The following ZMYM2 variants were observed in gnomAD, a reference collection of about 807,000 sequenced individuals.
The protein encoded by ZMYM2 is zinc finger MYM-type containing 2, also known as zinc finger MYM-type protein 2.
A neutral mutation model predicts 162.8 loss-of-function variants in ZMYM2; 56 were observed. The observed-to-expected ratio is 0.34, with a 90% confidence interval of 0.28 to 0.43. The LOEUF is 0.43. Among genes scored for constraint, ZMYM2 ranks in the 20% least tolerant of loss-of-function variants. The pLI is 1.00. For synonymous variants in ZMYM2, 510 were observed against 541.6 expected (o/e 0.94, Z 0.81); for missense variants, 1,275 against 1,621.8 (o/e 0.79, Z 3.67).
chr13:19,899,816 C>CAAAAAAAA, the ZMYM2 span, among the ~76,000 whole-genome samples: 161 of 64,968 alleles, frequency 2.5e-3, 1 homozygote, highest in Non-Finnish European at 3.1e-3. Flanking sequence ...GACTCTGACT[C>CAAAAAAAA]AAAAAAAAAA....
chr13:19,932,805 T>C, the ZMYM2 span, among the ~76,000 whole-genome samples: 1 of 152,154 alleles, frequency 6.6e-6, no homozygotes, highest in East Asian at 1.9e-4. Context: ...CTTTATATCC[T>C]CTGGAACTGT....
chr13:20,007,902 T>A (rs1379749914), intron 6 of ZMYM2, among the ~76,000 whole-genome samples: 6 of 152,076 alleles, frequency 3.9e-5, no homozygotes, highest in Admixed American at 3.9e-4. Flanking sequence ...ATTACAGGCA[T>A]GAGCTACCAC....
the ZMYM2 span, among the ~76,000 whole-genome samples, chr13:19,880,777 G>A: frequency 6.6e-6 from 1 of 152,186 alleles, no homozygotes; most frequent in African/African-American, 2.4e-5. Flanking sequence ...CTGTTAGTGT[G>A]TAGAAATGCA....
the ZMYM2 span, among the ~76,000 whole-genome samples, chr13:19,901,516 A>C: frequency 2.7e-5 from 4 of 150,902 alleles, no homozygotes; most frequent in African/African-American, 7.3e-5. Flanking sequence ...TTTTTTTTTG[A>C]GATGGAGTCT....
chr13:20,046,333 A>G (rs1195412784), intron 12 of ZMYM2, among the ~76,000 whole-genome samples: 1 of 151,570 alleles, frequency 6.6e-6, no homozygotes, highest in Non-Finnish European at 1.5e-5. Flanking sequence ...GGTTGTTTGA[A>G]GTTGGGAGTT....
chr13:19,955,563 C>T (rs567453378), upstream of ZMYM2, among the ~76,000 whole-genome samples: 76 of 152,236 alleles, frequency 5.0e-4, no homozygotes, highest in African/African-American at 1.7e-3. Context: ...TCTTGGTCTT[C>T]GAAATGCAAT....
intron 2 of ZMYM2, among the ~76,000 whole-genome samples, chr13:19,974,678 G>A (rs1028637483): frequency 1.3e-5 from 2 of 151,990 alleles, no homozygotes; most frequent in African/African-American, 4.8e-5. Context: ...CACCATGTGG[G>A]CCAGGCTGAT....
In ZMYM2 at chr13:20,026,653, G is replaced by T; in HGVS notation, c.1626G>T (p.Gln542His). 6.2e-7 allele frequency: 1 copy of T among 1,609,854 alleles called. No homozygotes were observed. The highest frequency in any genetic ancestry group is 8.5e-7 in the Non-Finnish European group (1 of 1,178,974). ...CAACTTGTACTGGTTGCCGAACACA[G>T]TGCAGGTTTTTTGATATGACTCAGT... ...KLTTCTGCRT[Q>H]CRFFDMTQCI... The change falls in exon 8 of 25, where the codon CAG becomes CAT. Residue 542 changes from glutamine (Q) to histidine (H), a missense_variant. Gln to His is a conservative substitution (Grantham distance 24, BLOSUM62 0). Transcript: ENST00000610343.
the ZMYM2 span, among the ~76,000 whole-genome samples, chr13:19,936,819 T>A: frequency 6.6e-6 from 1 of 152,138 alleles, no homozygotes; most frequent in East Asian, 1.9e-4. Context: ...TCTTTCCTAT[T>A]AACTACTAAT....
intron 2 of ZMYM2, among the ~76,000 whole-genome samples, chr13:19,971,262 ATTTTTTTT>A (rs67460005): frequency 1.4e-4 from 11 of 78,318 alleles, no homozygotes; most frequent in Admixed American, 7.5e-4. Flanking sequence ...ATATATATAT[ATTTTTTTT>A]TTTTTTTTTT....
At position 19,983,361 on chromosome 13, in the gene ZMYM2, G is replaced by T. The variant is rs1594166741; in HGVS notation, c.-10-9702G>T. ...GGGTTTTGCCGTGTTGGCCAGGCTGGTCTCAAACTCCTGACCTCAGATGAT... is the reference window on the plus strand; with the variant it reads ...GGGTTTTGCCGTGTTGGCCAGGCTGTTCTCAAACTCCTGACCTCAGATGAT... On this transcript the variant is annotated intron_variant, in intron 2 of 24. Transcript: ENST00000610343. Among the ~76,000 whole-genome samples the T allele has an allele frequency of 5.9e-5, 9 of 152,214 alleles. No homozygotes were observed. In the South Asian group the frequency reaches 1.9e-3, roughly 32 times the overall value.
chr13:20,075,575 CATT>C (rs1305042376), intron 21 of ZMYM2, among the ~76,000 whole-genome samples: 5 of 149,632 alleles, frequency 3.3e-5, no homozygotes, highest in African/African-American at 7.4e-5. Flanking sequence ...CGATAACCAT[CATT>C]AACATTTCAT....
intron 4 of ZMYM2, 85 bp downstream of exon 4, chr13:20,003,220 C>G (rs1235347783): frequency 3.5e-6 from 5 of 1,436,220 alleles, no homozygotes; most frequent in Admixed American, 2.5e-5. Context: ...ATTTGTAATA[C>G]CTTTGGAAAC....
intron 7 of ZMYM2, chr13:20,025,974 A>G (rs1952546862): frequency 6.6e-6 from 1 of 152,174 alleles, no homozygotes; most frequent in Admixed American, 6.5e-5. Flanking sequence ...TGGCAGGAGG[A>G]TTAACTTTAT....
chr13:19,969,447 A>C (rs1041541563), intron 2 of ZMYM2, among the ~76,000 whole-genome samples: 1 of 152,224 alleles, frequency 6.6e-6, no homozygotes, highest in Non-Finnish European at 1.5e-5. Flanking sequence ...CTCAACTGCA[A>C]AGTGGGGTCG....
At chr13:20,067,213 T>A in intron 20 of ZMYM2, 26 bp from the exon 21 acceptor site, 1 of 1,510,516 alleles carries the variant, frequency 6.6e-7, no homozygotes, top group Non-Finnish European at 8.9e-7. Context: ...ATAATAACAA[T>A]TATTTTTTAT....
intron 2 of ZMYM2, among the ~76,000 whole-genome samples, chr13:19,971,353 C>G (rs1253150580): frequency 6.9e-6 from 1 of 144,472 alleles, no homozygotes; most frequent in Non-Finnish European, 1.5e-5. Context: ...TCACCACCAC[C>G]TCTGCCTCCG....
At chr13:19,906,926 A>G in the ZMYM2 span, among the ~76,000 whole-genome samples, 1 of 151,988 alleles carries the variant, frequency 6.6e-6, no homozygotes, top group Non-Finnish European at 1.5e-5. Flanking sequence ...GGGTCTCATT[A>G]TGTTGCCCAG....
the ZMYM2 span, among the ~76,000 whole-genome samples, chr13:19,874,117 G>A: frequency 6.6e-6 from 1 of 152,182 alleles, no homozygotes; most frequent in Admixed American, 6.5e-5. Flanking sequence ...TCCCACTCCA[G>A]GAGCTGGATT....
Sources: allele counts gnomAD v4.1 joint callset (sites outside exome capture counted in the v4.1 genomes callset), GRCh38; gene constraint gnomAD v4.1.1; transcripts MANE v1.5; gene names NCBI Gene and HGNC (gene_info 2026-07-23, HGNC 2026-07-21).